Variants in DNAH11 observed in about 807,000 individuals in gnomAD.
The protein encoded by DNAH11 is dynein axonemal heavy chain 11, also known as axonemal beta dynein heavy chain 11.
A neutral mutation model predicts 526.0 loss-of-function variants in DNAH11; 442 were observed. The ratio of observed to expected loss-of-function variants is 0.84; its 90% CI spans 0.78 to 0.91. The LOEUF (loss-of-function observed/expected upper bound fraction) is 0.91, where lower values mean the gene tolerates loss of function less well. Among genes scored for constraint, DNAH11 ranks in the 40% least tolerant of loss-of-function variants. The pLI, the probability that DNAH11 is intolerant of heterozygous loss-of-function variation, is 0.00. For synonymous variants in DNAH11, 2,461 were observed against 1,935.9 expected (o/e 1.27, Z -7.12); for missense variants, 6,989 against 5,448.7 (o/e 1.28, Z -8.90).
In DNAH11 at chr7:21,601,380, CAT is replaced by C. The variant is rs780352020; in HGVS notation, c.3426-9_3426-8del. ...AACTTAATTTGTGTGTATCTATGTA[CAT>C]ATATATTTAATAGTCTGAATGAGCT... On this transcript the variant is annotated splice_polypyrimidine_tract_variant and intron_variant, in intron 17 of 81. Transcript: ENST00000409508. 1 of 1,598,280 alleles carries C rather than the reference CAT, an allele frequency of 6.3e-7. No individual in the cohort carries two copies.
chr7:21,674,665 C>T (rs1424411130), intron 30 of DNAH11, among the ~76,000 whole-genome samples: 3 of 151,928 alleles, frequency 2.0e-5, no homozygotes, highest in South Asian at 4.2e-4. Context: ...TTTCTTTTTT[C>T]ACACATCCCT....
intron 42 of DNAH11, among the ~76,000 whole-genome samples, chr7:21,715,377 A>T (rs905016044): frequency 6.6e-5 from 10 of 152,120 alleles, no homozygotes; most frequent in Non-Finnish European, 1.3e-4. Flanking sequence ...TGATAGGAGG[A>T]CTCATTTGCA....
chr7:21,769,763 C>G (rs1253555216), intron 55 of DNAH11, among the ~76,000 whole-genome samples: 1 of 152,128 alleles, frequency 6.6e-6, no homozygotes, highest in African/African-American at 2.4e-5. Flanking sequence ...GGATTACAGG[C>G]ATGAGCCACT....
Position 21,581,997 on chromosome 7 carries a change from C to T in DNAH11, c.1686C>T (p.Cys562=), listed in dbSNP as rs758017492. ...GTIICEAFFN[C]NGLEAAFKLL... ...TTATTTGTGAAGCTTTCTTTAACTG[C>T]AATGGCTTAGAAGCTGCATTTAAGG... The change falls in exon 9 of 82, where the codon TGC becomes TGT. Residue 562 remains cysteine, a synonymous_variant. Coordinates refer to ENST00000409508, the MANE Select transcript of DNAH11 (RefSeq NM_001277115.2). 1 of 1,612,228 alleles carries T rather than the reference C, an allele frequency of 6.2e-7. No homozygotes were observed. The highest frequency in any genetic ancestry group is 8.5e-7 in the Non-Finnish European group (1 of 1,178,554).
At chr7:21,822,704 A>G (rs1331975324) in intron 65 of DNAH11, among the ~76,000 whole-genome samples, 3 of 152,198 alleles carry the variant, frequency 2.0e-5, no homozygotes, top group African/African-American at 4.8e-5. Flanking sequence ...ACTGTTTTCC[A>G]TAGTGGCTAT....
intron 14 of DNAH11, among the ~76,000 whole-genome samples, chr7:21,596,756 G>C (rs1784877961): frequency 6.6e-6 from 1 of 152,132 alleles, no homozygotes; most frequent in Admixed American, 6.6e-5. Context: ...TTAATAAATG[G>C]ATTCTCCTAT....
intron 70 of DNAH11, 118 bp from the exon 71 acceptor site, chr7:21,866,352 G>T: frequency 6.1e-6 from 5 of 820,130 alleles, no homozygotes; most frequent in South Asian, 3.0e-5. Flanking sequence ...CTGAAGAGGA[G>T]AGTGAATACT....
intron 80 of DNAH11, 116 bp downstream of exon 80, chr7:21,899,564 C>A: frequency 1.2e-6 from 1 of 821,684 alleles, no homozygotes; most frequent in Non-Finnish European, 1.9e-6. Context: ...CCTCAAGCAG[C>A]AGCCATTATA....
intron 20 of DNAH11, among the ~76,000 whole-genome samples, chr7:21,610,326 A>G (rs1785470081): frequency 1.3e-5 from 2 of 152,194 alleles, no homozygotes; most frequent in South Asian, 2.1e-4. Context: ...ACAAGGGTCT[A>G]TGGTCCGGTT....
In DNAH11 at chr7:21,818,352, G is replaced by T. The variant is rs770769536; in HGVS notation, c.10691+13G>T. 1.2e-6 allele frequency: 2 copies of T among 1,605,144 alleles called. No individual in the cohort carries two copies. Among genetic ancestry groups the T allele is most frequent in the African/African-American group, 1.3e-5 (1 of 74,596 alleles). The stretch of plus-strand genomic sequence containing the variant: ...TTAAAAAAGGAAAGTAAGTATTCTT[G>T]AATTTTTAACATATATATCTTGCTA... On this transcript the variant is annotated intron_variant, in intron 65 of 81. Transcript: ENST00000409508.
intron 30 of DNAH11, among the ~76,000 whole-genome samples, chr7:21,659,788 C>T (rs1262008891): frequency 6.6e-6 from 1 of 152,100 alleles, no homozygotes; most frequent in Non-Finnish European, 1.5e-5. Context: ...GACCCCTTTT[C>T]TGCTTTAGCA....
chr7:21,784,624 A>G, intron 58 of DNAH11, 84 bp downstream of exon 58: 3 of 860,660 alleles, frequency 3.5e-6, no homozygotes, highest in Non-Finnish European at 1.7e-6. Context: ...CTGAGAGAGT[A>G]GCCCATTACA....
At chr7:21,874,619 A>T (rs1783635709) in intron 74 of DNAH11, among the ~76,000 whole-genome samples, 1 of 152,148 alleles carries the variant, frequency 6.6e-6, no homozygotes, top group Non-Finnish European at 1.5e-5. Context: ...CTGGAATTAC[A>T]GGTGTGAGCC....
intron 64 of DNAH11, 58 bp from the exon 65 acceptor site, chr7:21,818,159 T>A (rs1789888057): frequency 6.5e-7 from 1 of 1,548,646 alleles, no homozygotes. Context: ...ATTTAAAAAA[T>A]TTTGAACATT....
chr7:21,710,793 G>C (rs1784436961), intron 41 of DNAH11, 90 bp downstream of exon 41: 3 of 1,301,726 alleles, frequency 2.3e-6, no homozygotes, highest in Non-Finnish European at 2.1e-6. Context: ...ACTAGTTTTT[G>C]CTCATTAACC....
chr7:21,730,499 A>T (rs1267637733), intron 45 of DNAH11, among the ~76,000 whole-genome samples: 2 of 152,248 alleles, frequency 1.3e-5, no homozygotes, highest in East Asian at 3.8e-4. Context: ...GGGATATTCA[A>T]CTTGTACCTT....
intron 8 of DNAH11, among the ~76,000 whole-genome samples, chr7:21,572,576 T>G (rs761954447): frequency 1.3e-5 from 2 of 152,198 alleles, no homozygotes; most frequent in African/African-American, 4.8e-5. Context: ...ATTTTAGTAG[T>G]TTGCCAAGAA....
intron 5 of DNAH11, among the ~76,000 whole-genome samples, chr7:21,562,659 A>G (rs1783514569): frequency 6.6e-6 from 1 of 152,174 alleles, no homozygotes; most frequent in Non-Finnish European, 1.5e-5. Flanking sequence ...TTGTGGAGTC[A>G]CCACACATGC....
intron 37 of DNAH11, 45 bp downstream of exon 37, chr7:21,702,847 G>A: frequency 6.6e-7 from 1 of 1,524,616 alleles, no homozygotes; most frequent in Admixed American, 1.8e-5. Context: ...TAGCTGGCCT[G>A]CTTCACAGAC....
Sources: gnomAD v4.1 joint callset for allele counts (sites outside exome capture counted in the v4.1 genomes callset) on GRCh38, gnomAD v4.1.1 for gene constraint, MANE v1.5 for transcripts, NCBI Gene and HGNC (gene_info 2026-07-23, HGNC 2026-07-21) for gene names.